IQGAP2: variants seen among roughly 807,000 people sequenced by gnomAD.
IQGAP2 encodes IQ motif containing GTPase activating protein 2, also known as ras GTPase-activating-like protein IQGAP2.
Under a neutral mutation model 201.3 loss-of-function variants are expected in IQGAP2, and 173 were observed. The ratio of observed to expected loss-of-function variants is 0.86; its 90% CI spans 0.76 to 0.98. IQGAP2 has a LOEUF of 0.98. Among genes scored for constraint, IQGAP2 ranks in the 50% least tolerant of loss-of-function variants. The pLI is 0.00. For synonymous variants in IQGAP2, 675 were observed against 673.9 expected (o/e 1.00, Z -0.03); for missense variants, 1,687 against 1,864.8 (o/e 0.90, Z 1.76).
intron 14 of IQGAP2, among the ~76,000 whole-genome samples, chr5:76,628,271 G>A (rs1750418785): frequency 6.6e-6 from 1 of 152,180 alleles, no homozygotes; most frequent in Non-Finnish European, 1.5e-5. Flanking sequence ...CTAATTCCAA[G>A]AGGCCCAAAA....
intron 28 of IQGAP2, among the ~76,000 whole-genome samples, chr5:76,678,225 TTC>T (rs1744996497): frequency 1.3e-5 from 2 of 152,182 alleles, no homozygotes; most frequent in African/African-American, 2.4e-5. Context: ...ACTTCCATTG[TTC>T]TGGAAACCCC....
At chr5:76,410,231 T>A (rs1401849090) in intron 1 of IQGAP2, among the ~76,000 whole-genome samples, 1 of 152,064 alleles carries the variant, frequency 6.6e-6, no homozygotes, top group Non-Finnish European at 1.5e-5. Context: ...ATGAAAGTTG[T>A]GAATTTGAAA....
In IQGAP2 at chr5:76,403,480, G is replaced by A. The variant is rs1750619055; in HGVS notation, c.-66G>A. On this transcript the variant is annotated 5_prime_UTR_variant, in exon 1 of 36. Transcript: ENST00000274364. This position sits in a 1 kb window ranked among gnomAD's most constrained non-coding sequence, Gnocchi z 4.8. Reference sequence around the variant, plus strand: ...AGCGCGCCGGCGGGGCGCAGAGCCCGCGAGCCTGGCCAGCGAGGGTAGCCG... The same window carrying A: ...AGCGCGCCGGCGGGGCGCAGAGCCCACGAGCCTGGCCAGCGAGGGTAGCCG... 2 of 1,280,908 alleles carry A rather than the reference G, an allele frequency of 1.6e-6. No homozygotes were observed. The highest frequency in any genetic ancestry group is 4.0e-5 in the Admixed American group (1 of 24,832). 79.3% of individuals were successfully genotyped at this position (1,280,908 alleles called of 1,614,324 possible). A position where few individuals can be genotyped will look rare whatever the true frequency, so the allele number is the denominator to read the frequency against.
At chr5:76,578,061 T>G (rs574487631) in intron 5 of IQGAP2, among the ~76,000 whole-genome samples, 1 of 152,328 alleles carries the variant, frequency 6.6e-6, no homozygotes, top group South Asian at 2.1e-4. Context: ...CCTGTCATCT[T>G]GATTTGGGCT....
intron 18 of IQGAP2, among the ~76,000 whole-genome samples, chr5:76,653,766 C>T (rs2150433251): frequency 6.6e-6 from 1 of 152,280 alleles, no homozygotes; most frequent in Admixed American, 6.5e-5. Context: ...CTCATGAGAC[C>T]TCTTCGATGT....
At chr5:76,679,417 A>C (rs1745094732) in intron 28 of IQGAP2, among the ~76,000 whole-genome samples, 1 of 152,238 alleles carries the variant, frequency 6.6e-6, no homozygotes, top group Admixed American at 6.5e-5. Context: ...GTGTAATTTC[A>C]TAGGAAGACT....
In IQGAP2 at chr5:76,671,175, C is replaced by T. The variant is rs144831803; in HGVS notation, c.2844-584C>T. On this transcript the variant is annotated intron_variant, in intron 23 of 35. Transcript: ENST00000274364. ...ACTCAGGAGGCTGAGATAGGAGAAT[C>T]GCTTGAACCCTGGAGGAGGAGGTTG... Among the ~76,000 whole-genome samples the T allele has an allele frequency of 7.8e-3, 1,190 of 152,190 alleles. 17 individuals are homozygous for T. Among genetic ancestry groups the T allele is most frequent in the African/African-American group, 0.027 (1,116 of 41,524 alleles).
At chr5:76,549,107 G>C (rs1242629551) in intron 2 of IQGAP2, among the ~76,000 whole-genome samples, 1 of 152,166 alleles carries the variant, frequency 6.6e-6, no homozygotes, top group African/African-American at 2.4e-5. Context: ...GGATATGGTG[G>C]TGAGCAGTAA....
intron 1 of IQGAP2, among the ~76,000 whole-genome samples, chr5:76,447,239 C>A (rs575577397): frequency 6.6e-6 from 1 of 152,162 alleles, no homozygotes; most frequent in Non-Finnish European, 1.5e-5. Flanking sequence ...CCTTTAAACA[C>A]GAGGCTTGCA....
At chr5:76,696,866 AATTCTATTTAATGAAGAAT>A (rs1554087546) in intron 32 of IQGAP2, among the ~76,000 whole-genome samples, 4 of 69,114 alleles carry the variant, frequency 5.8e-5, no homozygotes, top group Admixed American at 5.3e-4. Flanking sequence ...TTTAATGAAG[AATTCTATTTAATGAAGAAT>A]ATTCTATTTA....
At chr5:76,592,679 C>T (rs1195525943) in intron 8 of IQGAP2, among the ~76,000 whole-genome samples, 159 bp from the exon 9 acceptor site, 1 of 152,152 alleles carries the variant, frequency 6.6e-6, no homozygotes, top group Non-Finnish European at 1.5e-5. Context: ...AGCATTCTCC[C>T]CTAGTCCCCT....
chr5:76,524,845 A>G (rs1341500405), intron 2 of IQGAP2, among the ~76,000 whole-genome samples: 1 of 152,234 alleles, frequency 6.6e-6, no homozygotes, highest in Non-Finnish European at 1.5e-5. Context: ...AAAATCTGAA[A>G]TATATTTTTC....
Position 76,614,605 on chromosome 5 carries a change from C to CTTTTTTT in IQGAP2, c.1521+3443_1521+3449dup, listed in dbSNP as rs10603126. Among the ~76,000 whole-genome samples, 43 of 59,614 alleles carry CTTTTTTT rather than the reference C, an allele frequency of 7.2e-4. 10 individuals are homozygous for CTTTTTTT. Among genetic ancestry groups the CTTTTTTT allele is most frequent in the African/African-American group, 1.2e-3 (17 of 14,028 alleles). The allele number at this position is 59,614 out of a possible 152,430, so 39.1% of individuals were successfully genotyped here. Reference sequence around the variant, plus strand: ...TTAATGTCTTTGTTTTTCCCCTCTGCTTTTTTTTTTTTTTTTTTTTTTTTT... The same window carrying CTTTTTTT: ...TTAATGTCTTTGTTTTTCCCCTCTGCTTTTTTTTTTTTTTTTTTTTTTTTTTTTTTTT... On this transcript the variant is annotated intron_variant, in intron 13 of 35. Transcript: ENST00000274364.
chr5:76,426,905 G>GGTGTGTGT (rs141560559), intron 1 of IQGAP2, among the ~76,000 whole-genome samples: 10,066 of 146,582 alleles, frequency 0.069, 613 homozygotes, highest in Admixed American at 0.2. Context: ...AACCATGGAG[G>GGTGTGTGT]GTGTGTGTGT....
intron 8 of IQGAP2, among the ~76,000 whole-genome samples, chr5:76,591,614 G>GGC (rs1561490119): frequency 1.3e-5 from 2 of 152,164 alleles, no homozygotes; most frequent in Non-Finnish European, 2.9e-5. Flanking sequence ...GAGATTCTCT[G>GGC]CTTCACTAGC....
intron 1 of IQGAP2, 38 bp from the exon 2 acceptor site, chr5:76,461,532 G>A (rs1427795739): frequency 1.4e-6 from 2 of 1,444,634 alleles, no homozygotes; most frequent in Middle Eastern, 1.8e-4. Flanking sequence ...AATGAAGACT[G>A]CCTTTGTAAA....
At position 76,702,499 on chromosome 5, in the gene IQGAP2, T is replaced by G. The variant is rs141420081; in HGVS notation, c.4523T>G (p.Phe1508Cys). The change falls in exon 35 of 36, where the codon TTT (phenylalanine) becomes TGT (cysteine). Residue 1508 changes from phenylalanine (F) to cysteine (C), a missense_variant. Phe to Cys is a radical substitution (Grantham distance 205). Transcript: ENST00000274364. The stretch of plus-strand genomic sequence containing the variant: ...CTTCACAGGTTTAAGAATGTTACAT[T>G]TGATATCATAGCTACTGAAGATGTA... The part of the protein sequence containing the change: ...LQTNQFKNVT[F>C]DIIATEDVGI... The G allele has an allele frequency of 2.6e-6, 4 of 1,545,676 alleles. No individual in the cohort carries two copies. The highest frequency in any genetic ancestry group is 3.6e-6 in the Non-Finnish European group (4 of 1,118,000).
chr5:76,676,268 A>G (rs1468498075), intron 27 of IQGAP2, among the ~76,000 whole-genome samples: 1 of 152,164 alleles, frequency 6.6e-6, no homozygotes, highest in Non-Finnish European at 1.5e-5. Flanking sequence ...TCTTCCACTC[A>G]TATTTATCCT....
chr5:76,513,077 A>G (rs959814147), intron 2 of IQGAP2, among the ~76,000 whole-genome samples: 3 of 151,956 alleles, frequency 2.0e-5, no homozygotes, highest in African/African-American at 7.3e-5. Context: ...AAAAAGAAAA[A>G]AGAAAAGAAA....
Sources: gnomAD v4.1 joint callset for allele counts (sites outside exome capture counted in the v4.1 genomes callset) on GRCh38, gnomAD v4.1.1 for gene constraint, Gnocchi (gnomAD v3.1) non-coding constraint, MANE v1.5 for transcripts, NCBI Gene and HGNC (gene_info 2026-07-23, HGNC 2026-07-21) for gene names.